Variants in GRAMD1B observed in about 807,000 individuals in gnomAD.
GRAMD1B encodes protein Aster-B.
In GRAMD1B, 37 loss-of-function variants were observed where a neutral mutation model predicts 99.7. The observed-to-expected ratio is 0.37, with a 90% CI of 0.29 to 0.49. GRAMD1B has a LOEUF of 0.49. Among genes scored for constraint, GRAMD1B ranks in the 20% least tolerant of loss-of-function variants. The pLI, the probability that GRAMD1B is intolerant of heterozygous loss-of-function variation, is 0.98. For missense variants in GRAMD1B, 888 were observed against 1,009.2 expected, an observed-to-expected ratio of 0.88 and a Z score of 1.63; for synonymous variants, 427 against 387.6, an observed-to-expected ratio of 1.10 and a Z score of -1.19.
At chr11:123,369,576 A>G (rs1047451192) in intron 1 of GRAMD1B, among the ~76,000 whole-genome samples, 1 of 152,112 alleles carries the variant, frequency 6.6e-6, no homozygotes, top group African/African-American at 2.4e-5. Context: ...TTTTGTTAAA[A>G]CCCTATAAAG....
intron 2 of GRAMD1B, among the ~76,000 whole-genome samples, chr11:123,485,921 G>A (rs1937695850): frequency 6.6e-6 from 1 of 152,020 alleles, no homozygotes; most frequent in African/African-American, 2.4e-5. Context: ...TCACCATGTT[G>A]GCCAGGCTGG....
intron 1 of GRAMD1B, among the ~76,000 whole-genome samples, chr11:123,364,446 T>A (rs1946251305): frequency 6.6e-6 from 1 of 152,218 alleles, no homozygotes; most frequent in African/African-American, 2.4e-5. Flanking sequence ...GGATTGACAG[T>A]CTATTAAGGG....
At chr11:123,427,241 TTC>T (rs1406237353), upstream of GRAMD1B, among the ~76,000 whole-genome samples, 1 of 152,182 alleles carries the variant, frequency 6.6e-6, no homozygotes, top group African/African-American at 2.4e-5. Flanking sequence ...GAGAAATTGT[TTC>T]TCTACACTTT....
intron 15 of GRAMD1B, 51 bp from the exon 16 acceptor site, chr11:123,613,404 G>T (rs1953872581): frequency 7.7e-7 from 1 of 1,293,870 alleles, no homozygotes; most frequent in Non-Finnish European, 1.1e-6. Context: ...GCAGAGAGTT[G>T]CATTGGAGGG....
Position 123,610,865 on chromosome 11 carries a change from C to T in GRAMD1B, c.1919+527C>T, listed in dbSNP as rs1018189255. Among the ~76,000 whole-genome samples, 1 of 152,170 alleles carries T rather than the reference C, an allele frequency of 6.6e-6. No individual in the cohort carries two copies. Among genetic ancestry groups the T allele is most frequent in the African/African-American group, 2.4e-5 (1 of 41,452 alleles). Reference sequence around the variant, plus strand: ...ACTTTATTCCCAGCACCCAGCTGGGCCTGCACGTATCAGAGTCCAGAGAAC... The same window carrying T: ...ACTTTATTCCCAGCACCCAGCTGGGTCTGCACGTATCAGAGTCCAGAGAAC... On this transcript the variant is annotated intron_variant, in intron 14 of 19. Transcript: ENST00000635736. The surrounding 1 kb of genome is among the most constrained non-coding windows in gnomAD (Gnocchi z 4.1).
At chr11:123,572,801 C>T (rs561938348) in intron 2 of GRAMD1B, among the ~76,000 whole-genome samples, 10 of 150,824 alleles carry the variant, frequency 6.6e-5, no homozygotes, top group Non-Finnish European at 1.0e-4. Context: ...GGGGCAGAGG[C>T]GCAGGTAGGC....
intron 1 of GRAMD1B, among the ~76,000 whole-genome samples, chr11:123,453,284 T>G (rs1949968963): frequency 6.6e-6 from 1 of 151,736 alleles, no homozygotes; most frequent in African/African-American, 2.4e-5. Flanking sequence ...CACATCAATA[T>G]ATATTAAATA....
intron 2 of GRAMD1B, among the ~76,000 whole-genome samples, chr11:123,527,177 G>A (rs1038040701): frequency 5.3e-5 from 8 of 152,168 alleles, no homozygotes; most frequent in Non-Finnish European, 7.3e-5. Flanking sequence ...CTGTCCACGC[G>A]TGGGGTGGGG....
Position 123,571,827 on chromosome 11 carries a change from C to T in GRAMD1B, c.453-5540C>T, listed in dbSNP as rs1245529023. 2.0e-5 allele frequency among the ~76,000 whole-genome samples: 3 copies of T among 152,130 alleles called. No homozygotes were observed. In the East Asian group the frequency reaches 5.8e-4, roughly 29 times the overall value. On this transcript the variant is annotated intron_variant, in intron 2 of 19. Coordinates refer to ENST00000635736, the MANE Select transcript of GRAMD1B (RefSeq NM_001387025.1). Reference sequence around the variant, plus strand: ...TGCTGTCCGCCACCCCGAACATTCTCTTCTCTCCTACCGTGCCCTCCTTGA... The same window carrying T: ...TGCTGTCCGCCACCCCGAACATTCTTTTCTCTCCTACCGTGCCCTCCTTGA...
chr11:123,588,386 C>G (rs78898156), intron 4 of GRAMD1B, among the ~76,000 whole-genome samples: 1,665 of 152,292 alleles, frequency 0.011, 11 homozygotes, highest in Middle Eastern at 0.034. Flanking sequence ...ACAAAGCCTT[C>G]TGCGTACGGG....
intron 9 of GRAMD1B, among the ~76,000 whole-genome samples, 176 bp downstream of exon 9, chr11:123,603,717 G>A (rs953856223): frequency 2.6e-5 from 4 of 152,368 alleles, no homozygotes; most frequent in African/African-American, 7.2e-5. Flanking sequence ...GAGCCTAAGG[G>A]CCTGGCCATC....
chr11:123,532,091 A>G (rs976089249), intron 2 of GRAMD1B, among the ~76,000 whole-genome samples: 7 of 152,118 alleles, frequency 4.6e-5, no homozygotes, highest in African/African-American at 1.7e-4. Context: ...AAGATGTTGA[A>G]CTAAACTGGG....
intron 1 of GRAMD1B, among the ~76,000 whole-genome samples, chr11:123,366,482 T>C (rs1452003994): frequency 6.6e-6 from 1 of 152,256 alleles, no homozygotes. Context: ...GACTTTTCTG[T>C]CTGAAGCCTG....
At chr11:123,602,883 A>G (rs572899660) in intron 8 of GRAMD1B, among the ~76,000 whole-genome samples, 4 of 152,340 alleles carry the variant, frequency 2.6e-5, no homozygotes, top group South Asian at 2.1e-4. Flanking sequence ...GACTCTACCC[A>G]TAGGAACTGT....
At chr11:123,476,102 T>C (rs1163313098) in intron 1 of GRAMD1B, among the ~76,000 whole-genome samples, 1 of 139,194 alleles carries the variant, frequency 7.2e-6, no homozygotes, top group African/African-American at 3.1e-5. Context: ...TTCATCCATT[T>C]AACTTCTTTT....
rs1263577744 is a variant in GRAMD1B at position 123,626,215 on chromosome 11, G to T, written c.*3620G>T. ...CTTCTGGTTCTAGCACTTCTCTTTT[G>T]TTAAGATAGGGTTTGGATTTAGTAT... On this transcript the variant is annotated 3_prime_UTR_variant, in exon 20 of 20. Transcript: ENST00000635736. 6.6e-6 allele frequency: 1 copy of T among 152,234 alleles called. No individual in the cohort carries two copies. The highest frequency in any genetic ancestry group is 1.9e-4 in the East Asian group (1 of 5,162). 9.4% of individuals were successfully genotyped at this position (152,234 alleles called of 1,614,324 possible).
At chr11:123,437,598 TCA>T (rs756752469) in intron 1 of GRAMD1B, among the ~76,000 whole-genome samples, 5 of 152,176 alleles carry the variant, frequency 3.3e-5, no homozygotes, top group African/African-American at 4.8e-5. Flanking sequence ...TCATGACTGC[TCA>T]CAGTCTAGCA....
chr11:123,381,109 G>C (rs1421423233), intron 1 of GRAMD1B, among the ~76,000 whole-genome samples: 1 of 152,120 alleles, frequency 6.6e-6, no homozygotes, highest in Non-Finnish European at 1.5e-5. Flanking sequence ...GAGGGGCTCT[G>C]GGAGTGTCTC....
chr11:123,392,902 A>T (rs1208078338), intron 1 of GRAMD1B, among the ~76,000 whole-genome samples: 1 of 152,120 alleles, frequency 6.6e-6, no homozygotes, highest in Non-Finnish European at 1.5e-5. Flanking sequence ...AGATTTTTAG[A>T]CGTTTTACTT....
Sources: gnomAD v4.1 joint callset for allele counts (sites outside exome capture counted in the v4.1 genomes callset) on GRCh38, gnomAD v4.1.1 for gene constraint, Gnocchi (gnomAD v3.1) non-coding constraint, MANE v1.5 for transcripts, NCBI Gene and HGNC (gene_info 2026-07-23, HGNC 2026-07-21) for gene names.